The following CHST15 variants were observed in gnomAD, a reference collection of about 807,000 sequenced individuals.
The protein encoded by CHST15 is B cell RAG associated protein (GALNAC4S-6ST).
A neutral mutation model predicts 53.6 loss-of-function variants in CHST15; 30 were observed. The observed-to-expected ratio is 0.56, with a 90% confidence interval of 0.42 to 0.76. The LOEUF is 0.76. CHST15 is among the 30% of genes least tolerant of loss of function. The probability of loss-of-function intolerance (pLI) is 0.00; values close to 1 mark genes in which losing one functional copy is unlikely to be tolerated. For synonymous variants in CHST15, 296 were observed against 289.8 expected (o/e 1.02, Z -0.22); for missense variants, 627 against 740.5 (o/e 0.85, Z 1.78).
intron 1 of CHST15, among the ~76,000 whole-genome samples, chr10:124,072,754 C>T (rs767401492): frequency 2.7e-4 from 41 of 152,188 alleles, no homozygotes; most frequent in Non-Finnish European, 1.2e-4. Context: ...CAACCCCATC[C>T]GCAAGTTCAG....
intron 5 of CHST15, among the ~76,000 whole-genome samples, chr10:124,025,883 G>A (rs768591596): frequency 1.3e-5 from 2 of 152,116 alleles, no homozygotes; most frequent in African/African-American, 2.4e-5. Context: ...AGCAGGGGAC[G>A]GCTTTTATCC....
intron 1 of CHST15, among the ~76,000 whole-genome samples, chr10:124,084,986 C>T (rs985529423): frequency 1.3e-5 from 2 of 152,232 alleles, no homozygotes; most frequent in East Asian, 1.9e-4. Flanking sequence ...CCACACTCCC[C>T]GGGGCAACCC....
At chr10:124,011,443 T>A in intron 7 of CHST15, 1 of 985,382 alleles carries the variant, frequency 1.0e-6, no homozygotes, top group Non-Finnish European at 1.2e-6. Context: ...CAAAATCAAA[T>A]GATCAAAGAG....
chr10:124,077,341 G>A (rs1372322597), intron 1 of CHST15, among the ~76,000 whole-genome samples: 2 of 152,146 alleles, frequency 1.3e-5, no homozygotes, highest in South Asian at 2.1e-4. Flanking sequence ...GTCTGATCTC[G>A]AACAGCATCT....
At chr10:124,048,237 T>C (rs1027568467) in intron 1 of CHST15, among the ~76,000 whole-genome samples, 11 of 152,248 alleles carry the variant, frequency 7.2e-5, no homozygotes, top group African/African-American at 2.2e-4. Context: ...TCTTTACAGC[T>C]GAACTTTTCA....
At chr10:124,077,501 AC>A (rs1184715146) in intron 1 of CHST15, among the ~76,000 whole-genome samples, 7 of 152,302 alleles carry the variant, frequency 4.6e-5, no homozygotes, top group African/African-American at 1.2e-4. Flanking sequence ...GCCGAGGCTT[AC>A]ACTCTTTCAG....
intron 5 of CHST15, among the ~76,000 whole-genome samples, chr10:124,029,662 G>GC (rs1387091001): frequency 6.6e-6 from 1 of 152,242 alleles, no homozygotes; most frequent in South Asian, 2.1e-4. Context: ...GTTTCTACAA[G>GC]CAAGAAAACT....
intron 5 of CHST15, among the ~76,000 whole-genome samples, chr10:124,027,153 C>A (rs1395191040): frequency 5.9e-5 from 9 of 152,192 alleles, no homozygotes; most frequent in Admixed American, 5.9e-4. Flanking sequence ...TTCTGTGCTG[C>A]GGTTATTTTA....
At chr10:124,031,130 G>A (rs1288651999) in intron 5 of CHST15, among the ~76,000 whole-genome samples, 2 of 152,234 alleles carry the variant, frequency 1.3e-5, no homozygotes. Context: ...CCAATGATGG[G>A]TGGATGGGAG....
intron 1 of CHST15, among the ~76,000 whole-genome samples, chr10:124,064,903 G>T (rs1396923597): frequency 6.6e-6 from 1 of 152,076 alleles, no homozygotes; most frequent in Non-Finnish European, 1.5e-5. Context: ...GTGCTTGTCT[G>T]ACTAGCATCC....
chr10:124,053,929 A>C (rs1218536019), intron 1 of CHST15, among the ~76,000 whole-genome samples: 2 of 152,074 alleles, frequency 1.3e-5, no homozygotes, highest in Non-Finnish European at 2.9e-5. Context: ...AAAAACCAAC[A>C]AACAAACAAA....
At chr10:124,057,497 G>T (rs1252065794) in intron 1 of CHST15, among the ~76,000 whole-genome samples, 1 of 152,178 alleles carries the variant, frequency 6.6e-6, no homozygotes, top group Non-Finnish European at 1.5e-5. Flanking sequence ...AGTCGTACAG[G>T]CCTGGGCTGC....
intron 5 of CHST15, among the ~76,000 whole-genome samples, chr10:124,021,823 T>C (rs1345636351): frequency 6.6e-6 from 1 of 152,168 alleles, no homozygotes; most frequent in Non-Finnish European, 1.5e-5. Flanking sequence ...GGAACAAAAA[T>C]AAGAGCATCT....
At position 124,044,731 on chromosome 10, in the gene CHST15, C is replaced by T. The variant is rs1947894336; in HGVS notation, c.735G>A (p.Gly245=). 3 of 1,613,588 alleles carry T rather than the reference C, an allele frequency of 1.9e-6. No individual in the cohort carries two copies. The African/African-American group carries it at 4.0e-5, about 22-fold the overall frequency. ...AFWGHLAHAH[G]KHFRLRCLPH... is the part of the protein sequence containing the mutation. ...GCAGGCAGCGCAGGCGGAAGTGCTT[C>T]CCGTGCGCGTGCGCCAGGTGGCCCC... is the stretch of plus-strand genomic sequence containing the variant. The change falls in exon 3 of 8, where the codon GGG becomes GGA. Residue 245 remains glycine, a synonymous_variant. Coordinates refer to ENST00000435907, the MANE Select transcript of CHST15 (RefSeq NM_001270764.2).
chr10:124,031,971 C>T (rs1947242995), intron 5 of CHST15, among the ~76,000 whole-genome samples: 1 of 152,218 alleles, frequency 6.6e-6, no homozygotes, highest in Non-Finnish European at 1.5e-5. Flanking sequence ...CTGAGGCCCC[C>T]TCACACACTC....
intron 1 of CHST15, among the ~76,000 whole-genome samples, chr10:124,051,677 T>C (rs1948202799): frequency 6.6e-6 from 1 of 152,236 alleles, no homozygotes; most frequent in African/African-American, 2.4e-5. Flanking sequence ...TGTGGGAACC[T>C]GGCACCAGGA....
chr10:124,068,776 G>A (rs980037810), intron 1 of CHST15, among the ~76,000 whole-genome samples: 2 of 152,140 alleles, frequency 1.3e-5, no homozygotes, highest in African/African-American at 4.8e-5. Flanking sequence ...ATTAAAAAAA[G>A]AAGTCAGAAA....
chr10:124,058,473 C>T (rs957041294), intron 1 of CHST15, among the ~76,000 whole-genome samples: 1 of 152,208 alleles, frequency 6.6e-6, no homozygotes, highest in African/African-American at 2.4e-5. Flanking sequence ...ACAGGACTCA[C>T]CAGTGGTGGG....
rs542547324 is a variant in CHST15, at chr10:124,042,548, G to A, written c.887-101C>T. On this transcript the variant is annotated intron_variant, in intron 3 of 7. Coordinates refer to ENST00000435907, the MANE Select transcript of CHST15 (RefSeq NM_001270764.2). ...CAAAGAGAGATGGAAAGGCCTAAAG[G>A]GCCTGGCGACAGCAGCAAGAGGCTC... 6.2e-4 allele frequency: 836 copies of A among 1,352,818 alleles called. 6 individuals carry two copies. Among genetic ancestry groups the A allele is most frequent in the Middle Eastern group, 5.8e-3 (31 of 5,310 alleles). The allele number at this position is 1,352,818 out of a possible 1,614,324, so 83.8% of individuals were successfully genotyped here. A position where few individuals can be genotyped will look rare whatever the true frequency, so the allele number is the denominator to read the frequency against.
Sources: allele counts gnomAD v4.1 joint callset (sites outside exome capture counted in the v4.1 genomes callset), GRCh38; gene constraint gnomAD v4.1.1; transcripts MANE v1.5; gene names NCBI Gene and HGNC (gene_info 2026-07-23, HGNC 2026-07-21).